The following LHFPL3 variants were observed in gnomAD, a reference collection of about 807,000 sequenced individuals.
LHFPL3 encodes LHFPL tetraspan subfamily member 3.
In LHFPL3, 5 loss-of-function variants were observed where a neutral mutation model predicts 19.3. The observed-to-expected ratio is 0.26, with a 90% confidence interval of 0.14 to 0.54. The LOEUF is 0.54. LHFPL3 is among the 20% of genes least tolerant of loss of function. LHFPL3 has a pLI of 0.94. For synonymous variants in LHFPL3, 133 were observed against 126.2 expected (o/e 1.05, Z -0.36); for missense variants, 249 against 307.4 (o/e 0.81, Z 1.42).
intron 1 of LHFPL3, among the ~76,000 whole-genome samples, chr7:104,417,327 A>G (rs772361382): frequency 6.6e-6 from 1 of 152,200 alleles, no homozygotes; most frequent in African/African-American, 2.4e-5. Flanking sequence ...CAGTTTAACA[A>G]CTTCACAGAT....
At chr7:104,802,230 C>T (rs1384717184) in intron 2 of LHFPL3, among the ~76,000 whole-genome samples, 1 of 152,086 alleles carries the variant, frequency 6.6e-6, no homozygotes, top group Non-Finnish European at 1.5e-5. Flanking sequence ...CACACTGGCT[C>T]ACACCTGTAT....
intron 2 of LHFPL3, among the ~76,000 whole-genome samples, chr7:104,773,781 C>A (rs974521265): frequency 6.6e-6 from 1 of 152,166 alleles, no homozygotes; most frequent in African/African-American, 2.4e-5. Flanking sequence ...CTAAGGAATG[C>A]CAAAGTTTGC....
chr7:104,691,897 T>G (rs1458360041), intron 1 of LHFPL3, among the ~76,000 whole-genome samples: 1 of 152,190 alleles, frequency 6.6e-6, no homozygotes, highest in African/African-American at 2.4e-5. Context: ...CCTAGAGACT[T>G]GTTGAATGGC....
At chr7:104,777,538 TGC>T (rs1023943619) in intron 2 of LHFPL3, among the ~76,000 whole-genome samples, 21 of 152,344 alleles carry the variant, frequency 1.4e-4, no homozygotes, top group African/African-American at 5.1e-4. Context: ...GCCTTTTGGT[TGC>T]TATGTCTGCA....
chr7:104,424,983 T>TTAA (rs1562893339), intron 1 of LHFPL3, among the ~76,000 whole-genome samples: 1 of 65,146 alleles, frequency 1.5e-5, no homozygotes. Context: ...CTCCATCTCA[T>TTAA]AAAAAAAAAA....
chr7:104,684,891 C>T (rs1792776110), intron 1 of LHFPL3, among the ~76,000 whole-genome samples: 1 of 152,160 alleles, frequency 6.6e-6, no homozygotes, highest in Non-Finnish European at 1.5e-5. Flanking sequence ...CTCCTGATCT[C>T]CACCGCCCAG....
chr7:104,599,200 T>C (rs1790919110), intron 1 of LHFPL3, among the ~76,000 whole-genome samples: 1 of 152,224 alleles, frequency 6.6e-6, no homozygotes, highest in East Asian at 1.9e-4. Flanking sequence ...GCCTAATCAA[T>C]GAGGGTTATT....
chr7:104,747,688 A>G (rs2116334439), intron 2 of LHFPL3, among the ~76,000 whole-genome samples: 1 of 152,310 alleles, frequency 6.6e-6, no homozygotes, highest in African/African-American at 2.4e-5. Flanking sequence ...CTTGGGATGC[A>G]TTCTGAATTA....
intron 1 of LHFPL3, among the ~76,000 whole-genome samples, chr7:104,393,683 T>G (rs1791125186): frequency 6.6e-6 from 1 of 152,012 alleles, no homozygotes; most frequent in Admixed American, 6.6e-5. Flanking sequence ...GCCACTGCAC[T>G]CCAGCCTGGG....
At chr7:104,736,986 A>T in intron 2 of LHFPL3, 75 bp downstream of exon 2, 8 of 1,157,352 alleles carry the variant, frequency 6.9e-6, no homozygotes, top group Non-Finnish European at 1.0e-5. Flanking sequence ...CTTTCCCCTC[A>T]AATACTAGTG....
intron 1 of LHFPL3, among the ~76,000 whole-genome samples, chr7:104,377,011 A>G (rs1157826912): frequency 6.6e-6 from 1 of 152,226 alleles, no homozygotes; most frequent in African/African-American, 2.4e-5. Flanking sequence ...AAGTAAGGAC[A>G]AAAAGGTAAC....
chr7:104,824,302 TATATATA>T (rs1562804536), intron 2 of LHFPL3, among the ~76,000 whole-genome samples: 2 of 29,760 alleles, frequency 6.7e-5, no homozygotes, highest in Non-Finnish European at 1.1e-4. Flanking sequence ...TATTATATAT[TATATATA>T]ATTATATATA....
intron 1 of LHFPL3, among the ~76,000 whole-genome samples, chr7:104,370,150 A>G (rs1790583177): frequency 6.6e-6 from 1 of 152,228 alleles, no homozygotes; most frequent in African/African-American, 2.4e-5. Context: ...GGTTGAAATG[A>G]TAAAATTTAG....
At chr7:104,579,447 A>T (rs1485231265) in intron 1 of LHFPL3, among the ~76,000 whole-genome samples, 7 of 152,192 alleles carry the variant, frequency 4.6e-5, no homozygotes, top group Non-Finnish European at 4.4e-5. Flanking sequence ...TTTGCTTAGA[A>T]TAATGGCCCA....
At chr7:104,354,772 A>C (rs1749292508) in intron 1 of LHFPL3, among the ~76,000 whole-genome samples, 1 of 152,132 alleles carries the variant, frequency 6.6e-6, no homozygotes, top group Admixed American at 6.5e-5. Flanking sequence ...TATGCCACCC[A>C]CATATGTAAT....
intron 1 of LHFPL3, among the ~76,000 whole-genome samples, chr7:104,652,177 T>C (rs1792044876): frequency 6.6e-6 from 1 of 151,920 alleles, no homozygotes; most frequent in African/African-American, 2.4e-5. Context: ...AGATGGGATG[T>C]CCACAGACAC....
chr7:104,689,276 G>A (rs530105505), intron 1 of LHFPL3, among the ~76,000 whole-genome samples: 61 of 152,272 alleles, frequency 4.0e-4, no homozygotes, highest in African/African-American at 1.4e-3. Flanking sequence ...TCAAAGGCAA[G>A]GTGGGTGTAG....
chr7:104,430,394 A>G (rs1316884026), intron 1 of LHFPL3, among the ~76,000 whole-genome samples: 6 of 46,020 alleles, frequency 1.3e-4, no homozygotes, highest in African/African-American at 3.8e-4. Context: ...ATATATATAT[A>G]TATATATATA....
chr7:104,779,243 T>C (rs1794680528), intron 2 of LHFPL3, among the ~76,000 whole-genome samples: 1 of 152,184 alleles, frequency 6.6e-6, no homozygotes, highest in Non-Finnish European at 1.5e-5. Flanking sequence ...GTCATAGGTG[T>C]AAAGCATGTC....
Sources: gnomAD v4.1 joint callset for allele counts (sites outside exome capture counted in the v4.1 genomes callset) on GRCh38, gnomAD v4.1.1 for gene constraint, MANE v1.5 for transcripts, NCBI Gene and HGNC (gene_info 2026-07-23, HGNC 2026-07-21) for gene names.